Variants in NDRG3 observed in about 807,000 individuals in gnomAD.
The protein encoded by NDRG3 is NDRG family member 3.
A neutral mutation model predicts 57.2 loss-of-function variants in NDRG3; 23 were observed. The observed-to-expected ratio is 0.40, with a 90% confidence interval of 0.29 to 0.57. The LOEUF (loss-of-function observed/expected upper bound fraction) is 0.57. Among genes scored for constraint, NDRG3 ranks in the 20% least tolerant of loss-of-function variants. NDRG3 has a pLI of 0.42. For synonymous variants in NDRG3, 132 were observed against 162.6 expected, an observed-to-expected ratio of 0.81 and a Z score of 1.43; for missense variants, 384 against 457.3, an observed-to-expected ratio of 0.84 and a Z score of 1.46.
chr20:36,665,419 C>T, intron 10 of NDRG3, 118 bp from the exon 11 acceptor site: 2 of 916,200 alleles, frequency 2.2e-6, no homozygotes, highest in East Asian at 2.4e-5. Flanking sequence ...TTCCTTCACA[C>T]CTGAGAAGGG....
chr20:36,702,447 A>G (rs996595667), intron 3 of NDRG3, among the ~76,000 whole-genome samples: 1 of 152,022 alleles, frequency 6.6e-6, no homozygotes, highest in Non-Finnish European at 1.5e-5. Context: ...CAATATTTTT[A>G]TTAGTATGAA....
rs574121534 is a variant in NDRG3, at chr20:36,729,272, A to G, written c.-48-7489T>C. ...TCTCAGTAGTTATAACGCTAAGGGC[A>G]TAGAGGATGTGGAATGAGTAGAGAA... On this transcript the variant is annotated intron_variant, in intron 1 of 15. Coordinates refer to ENST00000349004, the MANE Select transcript of NDRG3 (RefSeq NM_032013.4). Among the ~76,000 whole-genome samples, 96 of 152,336 alleles carry G rather than the reference A, an allele frequency of 6.3e-4. 1 individual carries two copies. The highest frequency in any genetic ancestry group is 3.4e-3 in the Middle Eastern group (1 of 294).
At chr20:36,668,851 C>CTA (rs1437586858) in intron 9 of NDRG3, among the ~76,000 whole-genome samples, 1 of 151,034 alleles carries the variant, frequency 6.6e-6, no homozygotes, top group East Asian at 1.9e-4. Context: ...ATATATGTAA[C>CTA]TATATATATA....
chr20:36,709,373 T>C (rs1423762974), intron 2 of NDRG3, among the ~76,000 whole-genome samples: 1 of 152,186 alleles, frequency 6.6e-6, no homozygotes, highest in African/African-American at 2.4e-5. Flanking sequence ...CCTGACTTTC[T>C]AAAGGTGGCA....
At chr20:36,692,766 C>T (rs1333197385) in intron 3 of NDRG3, among the ~76,000 whole-genome samples, 3 of 151,578 alleles carry the variant, frequency 2.0e-5, no homozygotes, top group Non-Finnish European at 2.9e-5. Flanking sequence ...GGGTTTGCAC[C>T]TTATACCCCT....
At chr20:36,696,131 T>C (rs1982767725) in intron 3 of NDRG3, among the ~76,000 whole-genome samples, 2 of 152,286 alleles carry the variant, frequency 1.3e-5, no homozygotes, top group Admixed American at 1.3e-4. Flanking sequence ...AGTTTCACTC[T>C]TGTTGCCCAG....
At chr20:36,681,696 A>C (rs1377287172) in intron 7 of NDRG3, among the ~76,000 whole-genome samples, 1 of 151,434 alleles carries the variant, frequency 6.6e-6, no homozygotes, top group Non-Finnish European at 1.5e-5. Context: ...ATTTAATTTA[A>C]TTTAATTTAA....
At chr20:36,687,253 G>GTC (rs1981866260) in intron 5 of NDRG3, among the ~76,000 whole-genome samples, 1 of 152,158 alleles carries the variant, frequency 6.6e-6, no homozygotes, top group African/African-American at 2.4e-5. Flanking sequence ...TTACAGGAAA[G>GTC]CAGGCACCTG....
intron 1 of NDRG3, among the ~76,000 whole-genome samples, chr20:36,733,838 C>A (rs917371431): frequency 1.3e-5 from 2 of 152,154 alleles, no homozygotes; most frequent in Non-Finnish European, 2.9e-5. Flanking sequence ...GAAGTGGCCA[C>A]GGGACTGGCT....
intron 8 of NDRG3, among the ~76,000 whole-genome samples, chr20:36,678,358 A>C (rs1980940996): frequency 6.6e-6 from 1 of 152,188 alleles, no homozygotes; most frequent in Non-Finnish European, 1.5e-5. Context: ...AAGATGCTTG[A>C]CATCACTGCC....
intron 3 of NDRG3, among the ~76,000 whole-genome samples, chr20:36,698,129 C>T (rs1982959623): frequency 6.6e-6 from 1 of 151,884 alleles, no homozygotes; most frequent in Non-Finnish European, 1.5e-5. Context: ...CCACACCTGG[C>T]TGATTTTTTG....
At chr20:36,658,603 T>C (rs1298733924) in intron 13 of NDRG3, among the ~76,000 whole-genome samples, 2 of 152,222 alleles carry the variant, frequency 1.3e-5, no homozygotes, top group Non-Finnish European at 2.9e-5. Flanking sequence ...ACTGAAAATG[T>C]AGCAGTAAGC....
intron 2 of NDRG3, among the ~76,000 whole-genome samples, chr20:36,713,359 C>T (rs1631651): frequency 0.064 from 9,650 of 151,948 alleles, 1,063 homozygotes; most frequent in African/African-American, 0.22. Context: ...TTAAAGCAAG[C>T]AAGCCTCACA....
In NDRG3 at chr20:36,671,485, ATATGT is replaced by A. The variant is rs1360834276; in HGVS notation, c.532-93_532-89del. The A allele has an allele frequency of 6.3e-6, 6 of 949,074 alleles. No homozygotes were observed. In the East Asian group the frequency reaches 1.5e-4, roughly 24 times the overall value. The allele number at this position is 949,074 out of a possible 1,614,324, so 58.8% of individuals were successfully genotyped here. A position where few individuals can be genotyped will look rare whatever the true frequency, so the allele number is the denominator to read the frequency against. The stretch of plus-strand genomic sequence containing the variant: ...AATTAAAATGAGTGCACTTTATTAT[ATATGT>A]TATCTCTTTAAAAACAAATGAAAAA... On this transcript the variant is annotated intron_variant, in intron 8 of 15. Coordinates refer to ENST00000349004, the MANE Select transcript of NDRG3 (RefSeq NM_032013.4).
intron 13 of NDRG3, among the ~76,000 whole-genome samples, chr20:36,657,092 T>A (rs367857393): frequency 6.6e-6 from 1 of 152,174 alleles, no homozygotes; most frequent in African/African-American, 2.4e-5. Context: ...TATGGCTTCA[T>A]TAGTGTGCCC....
intron 1 of NDRG3, among the ~76,000 whole-genome samples, chr20:36,726,361 G>C (rs1211708581): frequency 1.3e-5 from 2 of 152,212 alleles, no homozygotes; most frequent in Non-Finnish European, 2.9e-5. Context: ...GTGCAGGACA[G>C]TAAGCTGCTC....
At position 36,653,430 on chromosome 20, in the gene NDRG3, A is replaced by G; in HGVS notation, c.*90T>C. 8.5e-7 allele frequency: 1 copy of G among 1,172,930 alleles called. No individual in the cohort carries two copies. Among genetic ancestry groups the G allele is most frequent in the Non-Finnish European group, 1.2e-6 (1 of 825,816 alleles). 72.7% of individuals were successfully genotyped at this position (1,172,930 alleles called of 1,614,324 possible). A position where few individuals can be genotyped will look rare whatever the true frequency, so the allele number is the denominator to read the frequency against. The stretch of plus-strand genomic sequence containing the variant: ...CAGTGGCCATGCATGAGTTAAAGAT[A>G]GTAGAGGCCAGTTTACTGGATGAAA... On this transcript the variant is annotated 3_prime_UTR_variant, in exon 16 of 16. Transcript: ENST00000349004. This position sits in a 1 kb window ranked among gnomAD's most constrained non-coding sequence, Gnocchi z 4.2.
Position 36,721,719 on chromosome 20 carries a change from T to C in NDRG3, c.17A>G (p.Asp6Gly). 1.9e-6 allele frequency: 3 copies of C among 1,611,126 alleles called. No individual in the cohort carries two copies. The highest frequency in any genetic ancestry group is 2.5e-6 in the Non-Finnish European group (3 of 1,177,570). The part of the protein sequence containing the change: MDELQ[D>G]VQLTEIKPLL... ...TGGTTTGATCTCTGTGAGCTGAACA[T>C]CCTGAAGTTCATCCATGAGGTCAGA... The change falls in exon 2 of 16, where the codon GAT (aspartate) becomes GGT (glycine). Residue 6 changes from aspartate to glycine, a missense_variant. By Grantham distance (94) the Asp-to-Gly change is moderately conservative. Transcript: ENST00000349004.
chr20:36,678,282 T>G (rs184172550), intron 8 of NDRG3, among the ~76,000 whole-genome samples: 13 of 152,090 alleles, frequency 8.5e-5, no homozygotes, highest in African/African-American at 3.1e-4. Context: ...TTTTTTAAAG[T>G]GGGGAGGGGA....
Sources: allele counts gnomAD v4.1 joint callset (sites outside exome capture counted in the v4.1 genomes callset), GRCh38; gene constraint gnomAD v4.1.1; non-coding constraint Gnocchi (gnomAD v3.1); transcripts MANE v1.5; gene names NCBI Gene and HGNC (gene_info 2026-07-23, HGNC 2026-07-21).